Variants in ALG12 observed in about 807,000 individuals in gnomAD.
ALG12 encodes the protein ALG12 alpha-1,6-mannosyltransferase, also known as dol-P-Man:Man(7)GlcNAc(2)-PP-Dol alpha-1,6-mannosyltransferase.
ALG12 carries 36 observed loss-of-function variants against 46.0 expected under a neutral mutation model. The observed-to-expected ratio is 0.78, with a 90% confidence interval of 0.60 to 1.03. The LOEUF is 1.03. Ranked by LOEUF, ALG12 falls within the 50% of genes least tolerant of loss-of-function variation. The pLI, the probability that ALG12 is intolerant of heterozygous loss-of-function variation, is 0.00. For synonymous variants in ALG12, 326 were observed against 291.6 expected (o/e 1.12, Z -1.20); for missense variants, 599 against 633.5 (o/e 0.95, Z 0.58).
chr22:49,888,925 C>T, the ALG12 span: 24 of 167,396 alleles, frequency 1.4e-4, no homozygotes, highest in South Asian at 1.5e-3. Flanking sequence ...AGGAGGGAGC[C>T]ACAGTTCTTG....
chr22:49,884,972 G>A, the ALG12 span: 1 of 1,613,422 alleles, frequency 6.2e-7, no homozygotes, highest in Non-Finnish European at 8.5e-7. Context: ...GATGGGCTGA[G>A]TCCTAGATTG....
chr22:49,881,691 T>A, the ALG12 span, among the ~76,000 whole-genome samples: 1 of 152,250 alleles, frequency 6.6e-6, no homozygotes, highest in South Asian at 2.1e-4. Flanking sequence ...ATTTTTTGTT[T>A]GTTTGTTTTG....
chr22:49,865,741 T>C, the ALG12 span, among the ~76,000 whole-genome samples: 8 of 152,124 alleles, frequency 5.3e-5, no homozygotes, highest in Non-Finnish European at 7.3e-5. Flanking sequence ...CTCCGGTAGA[T>C]CTCTCAGGAA....
chr22:49,916,262 TAAA>T lies in ALG12; in HGVS notation c.-79+1998_-79+2000del, dbSNP rs2060608694. Among the ~76,000 whole-genome samples, 3 of 147,976 alleles carry T rather than the reference TAAA, an allele frequency of 2.0e-5. No individual in the cohort carries two copies. The South Asian group carries it at 6.4e-4, about 32-fold the overall frequency. ...AGCAAGACTCCATCTCAAAAATAAA[TAAA>T]TAAATTAATTAAATTAAATAAAAAT... On this transcript the variant is annotated intron_variant, in intron 1 of 9. Coordinates refer to ENST00000330817, the MANE Select transcript of ALG12 (RefSeq NM_024105.4).
the ALG12 span, among the ~76,000 whole-genome samples, chr22:49,864,197 T>C: frequency 4.6e-5 from 7 of 152,246 alleles, no homozygotes; most frequent in African/African-American, 1.7e-4. Flanking sequence ...ATGGGTGTGC[T>C]TTAATCTTAC....
At chr22:49,885,341 C>T in the ALG12 span, 4 of 1,590,016 alleles carry the variant, frequency 2.5e-6, no homozygotes, top group Non-Finnish European at 3.4e-6. Context: ...AGCAAAAAGA[C>T]CTCGAAGCTG....
chr22:49,895,476 AC>A (rs1394401115), downstream of ALG12, among the ~76,000 whole-genome samples: 1 of 151,560 alleles, frequency 6.6e-6, no homozygotes, highest in African/African-American at 2.4e-5. Context: ...ACGTGGTGAA[AC>A]CCCAGCTCTA....
At chr22:49,877,243 C>CA in the ALG12 span, among the ~76,000 whole-genome samples, 1 of 144,578 alleles carries the variant, frequency 6.9e-6, no homozygotes, top group South Asian at 2.2e-4. Context: ...CTGTCTGTCT[C>CA]AAAAAAACAG....
At position 49,900,557 on chromosome 22, in the gene ALG12, T is replaced by C. The variant is rs1049589955; in HGVS notation, c.*3281A>G. ...CAGTGCTTGACGGCACCCGCAGTTG[T>C]GGGCAGGGAGTGAACTGCACACAAT... On this transcript the variant is annotated 3_prime_UTR_variant, in exon 10 of 10. Coordinates refer to ENST00000330817, the MANE Select transcript of ALG12 (RefSeq NM_024105.4). 6.6e-6 allele frequency: 1 copy of C among 152,232 alleles called. No individual in the cohort carries two copies. Among genetic ancestry groups the C allele is most frequent in the Non-Finnish European group, 1.5e-5 (1 of 68,064 alleles). The allele number at this position is 152,232 out of a possible 1,614,324, so 9.4% of individuals were successfully genotyped here.
chr22:49,880,803 A>G, the ALG12 span, among the ~76,000 whole-genome samples: 1 of 152,184 alleles, frequency 6.6e-6, no homozygotes, highest in African/African-American at 2.4e-5. Context: ...ATCATATTGA[A>G]TTTATAGGTC....
At chr22:49,914,453 A>T (rs892507564) in intron 1 of ALG12, among the ~76,000 whole-genome samples, 1 of 152,240 alleles carries the variant, frequency 6.6e-6, no homozygotes, top group African/African-American at 2.4e-5. Flanking sequence ...GCTTTCCCAA[A>T]GGTGGCACCA....
chr22:49,899,766 A>C (rs2060496351), downstream of ALG12, among the ~76,000 whole-genome samples: 1 of 152,186 alleles, frequency 6.6e-6, no homozygotes, highest in Admixed American at 6.5e-5. Flanking sequence ...AACTGACCAC[A>C]GAGAGGACAG....
intron 1 of ALG12, among the ~76,000 whole-genome samples, chr22:49,916,184 T>C (rs920618451): frequency 1.3e-4 from 20 of 151,872 alleles, no homozygotes; most frequent in African/African-American, 4.8e-4. Flanking sequence ...ACCCAGGAGG[T>C]GGAGCTTGCA....
At chr22:49,884,162 C>G in the ALG12 span, 1 of 1,613,030 alleles carries the variant, frequency 6.2e-7, no homozygotes, top group South Asian at 1.1e-5. Context: ...GCACACCCGA[C>G]CGTGCTCATT....
At chr22:49,881,696 GT>G in the ALG12 span, among the ~76,000 whole-genome samples, 2 of 152,038 alleles carry the variant, frequency 1.3e-5, no homozygotes, top group East Asian at 1.9e-4. Context: ...TTGTTTGTTT[GT>G]TTTGTTTTTT....
the ALG12 span, among the ~76,000 whole-genome samples, chr22:49,861,567 G>A: frequency 2.0e-5 from 3 of 152,298 alleles, no homozygotes; most frequent in East Asian, 5.8e-4. Flanking sequence ...CTGAGTAGCT[G>A]GGACTACAGG....
chr22:49,888,333 T>G, the ALG12 span: 19 of 166,976 alleles, frequency 1.1e-4, no homozygotes, highest in African/African-American at 3.9e-4. Context: ...AAAAGTTGTT[T>G]TGTTGAAATA....
downstream of ALG12, among the ~76,000 whole-genome samples, chr22:49,898,918 T>C (rs1207610307): frequency 2.0e-5 from 3 of 151,876 alleles, no homozygotes; most frequent in Non-Finnish European, 4.4e-5. Context: ...GAGGATAATG[T>C]TTTCAACAAA....
At chr22:49,897,920 T>C (rs11703583), downstream of ALG12, among the ~76,000 whole-genome samples, 1 of 151,980 alleles carries the variant, frequency 6.6e-6, no homozygotes, top group African/African-American at 2.4e-5. Context: ...TGGCCTCCCA[T>C]AGTGCTAGGA....
Sources: allele counts gnomAD v4.1 joint callset (sites outside exome capture counted in the v4.1 genomes callset), GRCh38; gene constraint gnomAD v4.1.1; transcripts MANE v1.5; gene names NCBI Gene and HGNC (gene_info 2026-07-23, HGNC 2026-07-21).